Variants in DEDD2 observed in about 807,000 individuals in gnomAD.
DEDD2 encodes the protein death effector domain containing 2.
A neutral mutation model predicts 28.9 loss-of-function variants in DEDD2; 18 were observed. The ratio of observed to expected loss-of-function variants is 0.62; its 90% CI spans 0.43 to 0.92. The LOEUF is 0.92. Ranked by LOEUF, DEDD2 falls within the 40% of genes least tolerant of loss-of-function variation. DEDD2 has a pLI of 0.00. For missense variants in DEDD2, 411 were observed against 463.3 expected (o/e 0.89, Z 1.04); for synonymous variants, 211 against 206.1 (o/e 1.02, Z -0.20).
At chr19:42,203,098 C>A (rs149767804) in intron 4 of DEDD2, among the ~76,000 whole-genome samples, 29 of 152,320 alleles carry the variant, frequency 1.9e-4, no homozygotes, top group African/African-American at 7.0e-4. Flanking sequence ...CAGGTTGAGT[C>A]ACCTGCCTAA....
rs2035250338 is a variant in DEDD2, at chr19:42,199,742, G to A, written c.677C>T (p.Ala226Val). Residue 226 changes from alanine (A) to valine (V), a missense_variant, in exon 5 of 5, where the codon GCG (alanine) becomes GTG (valine). By Grantham distance (64) the Ala-to-Val change is moderately conservative. Transcript: ENST00000596251. This position sits in a 1 kb window ranked among gnomAD's most constrained non-coding sequence, Gnocchi z 7.4. ...GVASRRPQAL[A>V]RQLDVFGQAT... ...CTGCCCAAACACGTCCAGCTGCCGC[G>A]CCAGCGCCTGGGGCCGCCGGGATGC... is the stretch of plus-strand genomic sequence containing the variant. The A allele has an allele frequency of 1.9e-6, 3 of 1,613,178 alleles. No individual in the cohort carries two copies. The highest frequency in any genetic ancestry group is 1.3e-5 in the African/African-American group (1 of 75,032).
At chr19:42,207,545 C>G (rs1030172367) in intron 4 of DEDD2, among the ~76,000 whole-genome samples, 2 of 152,190 alleles carry the variant, frequency 1.3e-5, no homozygotes, top group African/African-American at 4.8e-5. Flanking sequence ...GGCACCACCC[C>G]TGGCCTCATG....
At chr19:42,212,776 C>G (rs2035821838) in intron 3 of DEDD2, among the ~76,000 whole-genome samples, 1 of 152,046 alleles carries the variant, frequency 6.6e-6, no homozygotes, top group Admixed American at 6.6e-5. Context: ...GGTTTTTTAT[C>G]TTTTTAGACA....
At chr19:42,204,792 C>T (rs2035466179) in intron 4 of DEDD2, among the ~76,000 whole-genome samples, 1 of 151,130 alleles carries the variant, frequency 6.6e-6, no homozygotes, top group Non-Finnish European at 1.5e-5. Flanking sequence ...GCACCAGCCC[C>T]CTCTGGACAA....
rs369672988 is a variant in DEDD2 at position 42,216,425 on chromosome 19, G to A, written c.328+255C>T. On this transcript the variant is annotated intron_variant, in intron 2 of 4. Coordinates refer to ENST00000596251, the MANE Select transcript of DEDD2 (RefSeq NM_133328.4). ...CTATAAGGCACTAGTTCATATGAAGGGCTGACAGCTGTGCCTGGCATGAAA... is the reference window on the plus strand; with the variant it reads ...CTATAAGGCACTAGTTCATATGAAGAGCTGACAGCTGTGCCTGGCATGAAA... Among the ~76,000 whole-genome samples the A allele has an allele frequency of 2.6e-5, 4 of 152,346 alleles. No homozygotes were observed. The East Asian group carries it at 7.7e-4, about 29-fold the overall frequency.
upstream of DEDD2, among the ~76,000 whole-genome samples, chr19:42,218,499 G>A (rs1474505552): frequency 1.3e-5 from 2 of 152,154 alleles, no homozygotes; most frequent in Non-Finnish European, 2.9e-5. Flanking sequence ...CAACTAGAGA[G>A]GGTCTGTCAG....
At chr19:42,210,991 A>G (rs1599774958) in intron 3 of DEDD2, among the ~76,000 whole-genome samples, 1 of 147,462 alleles carries the variant, frequency 6.8e-6, no homozygotes, top group Admixed American at 6.9e-5. Flanking sequence ...AATTGCTTGA[A>G]CCCAGGAGCT....
At chr19:42,205,957 C>T (rs1227330261) in intron 4 of DEDD2, among the ~76,000 whole-genome samples, 2 of 151,912 alleles carry the variant, frequency 1.3e-5, no homozygotes, top group Non-Finnish European at 2.9e-5. Context: ...TGCTGGATCA[C>T]GCTTGTAGTT....
chr19:42,210,854 A>G (rs2035730339), intron 3 of DEDD2, among the ~76,000 whole-genome samples: 1 of 151,890 alleles, frequency 6.6e-6, no homozygotes, highest in Non-Finnish European at 1.5e-5. Flanking sequence ...GGATCACTTG[A>G]GATCAGGAGT....
intron 3 of DEDD2, among the ~76,000 whole-genome samples, chr19:42,214,184 A>G (rs112106426): frequency 0.12 from 18,491 of 152,276 alleles, 1,302 homozygotes; most frequent in South Asian, 0.18. Context: ...GCCAGGGCGC[A>G]GTGGCTCAAG....
chr19:42,217,857 G>A (rs1373433113), upstream of DEDD2: 2 of 152,300 alleles, frequency 1.3e-5, no homozygotes, highest in African/African-American at 4.8e-5. Flanking sequence ...ATCTTGGTTC[G>A]CGAGTGCTGC....
intron 4 of DEDD2, among the ~76,000 whole-genome samples, chr19:42,208,928 C>T (rs2035638442): frequency 6.6e-6 from 1 of 152,236 alleles, no homozygotes; most frequent in South Asian, 2.1e-4. Flanking sequence ...ATCAGCCTCA[C>T]TTTACAGATG....
At chr19:42,208,358 G>A (rs140399351) in intron 4 of DEDD2, among the ~76,000 whole-genome samples, 72 of 145,280 alleles carry the variant, frequency 5.0e-4, no homozygotes, top group Admixed American at 6.9e-4. Flanking sequence ...TCTCCAACAC[G>A]ACCCCCAGGC....
At chr19:42,215,378 C>A in intron 2 of DEDD2, 126 bp from the exon 3 acceptor site, 1 of 1,181,820 alleles carries the variant, frequency 8.5e-7, no homozygotes, top group Non-Finnish European at 1.2e-6. Flanking sequence ...CCCACTCATT[C>A]TCAAACACCT....
upstream of DEDD2, among the ~76,000 whole-genome samples, chr19:42,218,980 G>C (rs764419498): frequency 6.6e-6 from 1 of 152,208 alleles, no homozygotes; most frequent in Non-Finnish European, 1.5e-5. Context: ...CTGCACTCCA[G>C]CCTGGGCCAC....
chr19:42,206,629 C>A (rs901206189), intron 4 of DEDD2, among the ~76,000 whole-genome samples: 4 of 152,176 alleles, frequency 2.6e-5, no homozygotes, highest in African/African-American at 9.7e-5. Context: ...TAGTGCCCAC[C>A]ACAGACCCTG....
At chr19:42,202,671 TA>T (rs1476804089) in intron 4 of DEDD2, among the ~76,000 whole-genome samples, 3 of 152,136 alleles carry the variant, frequency 2.0e-5, no homozygotes, top group Non-Finnish European at 4.4e-5. Flanking sequence ...AACCCACAGT[TA>T]GGAAGCACTC....
intron 4 of DEDD2, among the ~76,000 whole-genome samples, chr19:42,208,433 G>GT (rs2035618986): frequency 1.3e-5 from 2 of 152,086 alleles, no homozygotes; most frequent in African/African-American, 2.4e-5. Context: ...TTTAATCTAC[G>GT]TAACACATGC....
At chr19:42,215,410 C>T (rs1262184631) in intron 2 of DEDD2, among the ~76,000 whole-genome samples, 158 bp from the exon 3 acceptor site, 1 of 152,208 alleles carries the variant, frequency 6.6e-6, no homozygotes, top group African/African-American at 2.4e-5. Flanking sequence ...TGCTCAGATG[C>T]CTCCTAAGAG....
Sources: allele counts gnomAD v4.1 joint callset (sites outside exome capture counted in the v4.1 genomes callset), GRCh38; gene constraint gnomAD v4.1.1; non-coding constraint Gnocchi (gnomAD v3.1); transcripts MANE v1.5; gene names NCBI Gene and HGNC (gene_info 2026-07-23, HGNC 2026-07-21).